Variants in RAP1GAP2 observed in about 807,000 individuals in gnomAD.
RAP1GAP2 encodes RAP1 GTPase activating protein 2, also known as rap1 GTPase-activating protein 2.
Under a neutral mutation model 95.0 loss-of-function variants are expected in RAP1GAP2, and 27 were observed. That is an observed-to-expected ratio of 0.28 (90% confidence interval 0.21 to 0.39). The LOEUF is 0.39. Ranked by LOEUF, RAP1GAP2 falls within the 10% of genes least tolerant of loss-of-function variation. The pLI is 1.00. For synonymous variants in RAP1GAP2, 373 were observed against 380.9 expected, an observed-to-expected ratio of 0.98 and a Z score of 0.24; for missense variants, 771 against 970.0, an observed-to-expected ratio of 0.79 and a Z score of 2.72.
chr17:2,966,582 G>A (rs1193133999), intron 8 of RAP1GAP2, among the ~76,000 whole-genome samples: 1 of 152,170 alleles, frequency 6.6e-6, no homozygotes, highest in Non-Finnish European at 1.5e-5. Flanking sequence ...CTTTGGGAAA[G>A]GTGGGGGTCC....
At chr17:2,969,227 C>G (rs1477507467) in intron 8 of RAP1GAP2, among the ~76,000 whole-genome samples, 1 of 150,080 alleles carries the variant, frequency 6.7e-6, no homozygotes, top group Non-Finnish European at 1.5e-5. Context: ...GACTTTGATC[C>G]TCTAACAGAT....
At chr17:2,948,843 T>C (rs1265912770) in intron 3 of RAP1GAP2, among the ~76,000 whole-genome samples, 3 of 152,198 alleles carry the variant, frequency 2.0e-5, no homozygotes, top group Non-Finnish European at 4.4e-5. Flanking sequence ...GAGGGGGTCC[T>C]GGACTCACAC....
intron 1 of RAP1GAP2, among the ~76,000 whole-genome samples, chr17:2,758,174 C>T (rs535261158): frequency 1.8e-4 from 25 of 137,206 alleles, no homozygotes; most frequent in Non-Finnish European, 3.2e-4. Context: ...TGGCCACGCC[C>T]CCCCCCCTTT....
chr17:2,981,047 G>T, intron 9 of RAP1GAP2, 148 bp from the exon 10 acceptor site: 1 of 653,142 alleles, frequency 1.5e-6, no homozygotes, highest in Non-Finnish European at 2.7e-6. Context: ...GCCTGGGCAC[G>T]TGTTAGTGAG....
At chr17:2,974,516 A>C (rs2045022203) in intron 8 of RAP1GAP2, among the ~76,000 whole-genome samples, 1 of 152,164 alleles carries the variant, frequency 6.6e-6, no homozygotes, top group African/African-American at 2.4e-5. Context: ...GAAAAGAAAA[A>C]CCAGAAAAGA....
chr17:2,920,067 C>T (rs1484568197), intron 3 of RAP1GAP2, among the ~76,000 whole-genome samples: 14 of 148,016 alleles, frequency 9.5e-5, no homozygotes, highest in South Asian at 4.3e-4. Context: ...TACAGTGGTG[C>T]GATCAGGGCT....
intron 19 of RAP1GAP2, among the ~76,000 whole-genome samples, chr17:3,025,711 C>T (rs1350196467): frequency 2.0e-5 from 3 of 152,182 alleles, no homozygotes; most frequent in Non-Finnish European, 1.5e-5. Context: ...GTGTGATGGC[C>T]AGCTTGGGTG....
chr17:3,030,196 A>ACACACACACACACACACT, intron 22 of RAP1GAP2, among the ~76,000 whole-genome samples: 1 of 149,864 alleles, frequency 6.7e-6, no homozygotes. Flanking sequence ...ACACACACAC[A>ACACACACACACACACACT]CTCACTCTCA....
At chr17:2,936,145 T>C (rs2043303036) in intron 3 of RAP1GAP2, among the ~76,000 whole-genome samples, 2 of 151,472 alleles carry the variant, frequency 1.3e-5, no homozygotes, top group South Asian at 4.2e-4. Context: ...TTAGGGTACA[T>C]GTGCACAACG....
intron 3 of RAP1GAP2, among the ~76,000 whole-genome samples, chr17:2,943,687 A>AAC (rs376276855): frequency 8.4e-5 from 12 of 143,696 alleles, no homozygotes; most frequent in African/African-American, 3.2e-4. Flanking sequence ...ACAAAAAAAA[A>AAC]CAAACAAAAA....
Position 3,026,541 on chromosome 17 carries a change from T to C in RAP1GAP2, c.1980+77T>C, listed in dbSNP as rs1161693811. 4 of 1,177,402 alleles carry C rather than the reference T, an allele frequency of 3.4e-6. No homozygotes were observed. In the African/African-American group the frequency reaches 6.2e-5, roughly 18 times the overall value. The allele number at this position is 1,177,402 out of a possible 1,614,324, so 72.9% of individuals were successfully genotyped here. A position where few individuals can be genotyped will look rare whatever the true frequency, so the allele number is the denominator to read the frequency against. On this transcript the variant is annotated intron_variant, in intron 21 of 24. Coordinates refer to ENST00000254695, the MANE Select transcript of RAP1GAP2 (RefSeq NM_015085.5). ...CACCCTCCTTGCATTAAAACGGCAC[T>C]GTGGATCGAAGCCCATGTCAGTCTT...
rs1481705588 is a variant in RAP1GAP2, at chr17:2,842,551, AAT to A, written c.80+42003_80+42004del. Reference sequence around the variant, plus strand: ...TCTCAAAAAAAAAAAAAAAAAAAAAAATACCACTTTTACTACCCTCTAGGAAT... The same window carrying A: ...TCTCAAAAAAAAAAAAAAAAAAAAAAACCACTTTTACTACCCTCTAGGAAT... On this transcript the variant is annotated intron_variant, in intron 2 of 24. Transcript: ENST00000254695. Among the ~76,000 whole-genome samples the A allele has an allele frequency of 8.1e-3, 448 of 55,012 alleles. 3 individuals carry two copies. The highest frequency in any genetic ancestry group is 0.073 in the African/African-American group (422 of 5,766). 36.1% of individuals were successfully genotyped at this position (55,012 alleles called of 152,430 possible).
chr17:2,873,824 G>A (rs556804080), intron 2 of RAP1GAP2, among the ~76,000 whole-genome samples: 3 of 152,118 alleles, frequency 2.0e-5, no homozygotes, highest in African/African-American at 4.8e-5. Context: ...GTGCAGTGGC[G>A]CGATCTCAGC....
At chr17:2,888,697 G>T (rs1460224734) in intron 2 of RAP1GAP2, among the ~76,000 whole-genome samples, 3 of 145,300 alleles carry the variant, frequency 2.1e-5, no homozygotes, top group Admixed American at 7.2e-5. Context: ...TTGTCACCAG[G>T]CTGGAGCGTA....
chr17:2,986,905 T>A (rs556181444), intron 11 of RAP1GAP2, among the ~76,000 whole-genome samples: 1 of 152,198 alleles, frequency 6.6e-6, no homozygotes, highest in Non-Finnish European at 1.5e-5. Context: ...CAGTCTGGCC[T>A]CATGACCTGG....
intron 2 of RAP1GAP2, among the ~76,000 whole-genome samples, chr17:2,897,980 G>T (rs1434060868): frequency 6.6e-6 from 1 of 150,440 alleles, no homozygotes; most frequent in African/African-American, 2.5e-5. Flanking sequence ...GAGTGCAGTG[G>T]CATGATTACG....
intron 2 of RAP1GAP2, among the ~76,000 whole-genome samples, chr17:2,833,619 G>A (rs1397390574): frequency 6.6e-6 from 1 of 150,734 alleles, no homozygotes; most frequent in East Asian, 2.0e-4. Flanking sequence ...GAACCTGGGA[G>A]GCGGAGCTTG....
chr17:2,919,284 T>A (rs1052379497), intron 3 of RAP1GAP2, among the ~76,000 whole-genome samples: 3 of 152,172 alleles, frequency 2.0e-5, no homozygotes, highest in African/African-American at 7.2e-5. Context: ...CTTTCACCTC[T>A]TGCCTTCTGA....
chr17:2,862,198 G>C (rs1015180183), intron 2 of RAP1GAP2, among the ~76,000 whole-genome samples: 1 of 152,150 alleles, frequency 6.6e-6, no homozygotes, highest in Admixed American at 6.6e-5. Flanking sequence ...GGCTCTTCTT[G>C]ACACTGCGTT....
Sources: gnomAD v4.1 joint callset for allele counts (sites outside exome capture counted in the v4.1 genomes callset) on GRCh38, gnomAD v4.1.1 for gene constraint, MANE v1.5 for transcripts, NCBI Gene and HGNC (gene_info 2026-07-23, HGNC 2026-07-21) for gene names.